Variants in ZWILCH observed in about 807,000 individuals in gnomAD.
ZWILCH encodes the protein protein zwilch homolog.
Under a neutral mutation model 79.9 loss-of-function variants are expected in ZWILCH, and 74 were observed. The ratio of observed to expected loss-of-function variants is 0.93; its 90% CI spans 0.77 to 1.12. The LOEUF (loss-of-function observed/expected upper bound fraction) is 1.12, where lower values mean the gene tolerates loss of function less well. Among genes scored for constraint, ZWILCH ranks in the 50% most tolerant of loss-of-function variants. ZWILCH has a pLI of 0.00. For synonymous variants in ZWILCH, 241 were observed against 228.2 expected (o/e 1.06, Z -0.51); for missense variants, 694 against 687.5 (o/e 1.01, Z -0.11).
chr15:66,527,749 T>G (rs1379131892), intron 9 of ZWILCH, 108 bp from the exon 10 acceptor site: 2 of 923,804 alleles, frequency 2.2e-6, no homozygotes, highest in Non-Finnish European at 3.3e-6. Context: ...GCTAAAATCC[T>G]TAGTTAGACT....
At chr15:66,520,499 T>C (rs1894451718) in intron 5 of ZWILCH, 91 bp from the exon 6 acceptor site, 1 of 693,906 alleles carries the variant, frequency 1.4e-6, no homozygotes, top group African/African-American at 1.8e-5. Context: ...TGAGTTGTGG[T>C]ACATTGAGAA....
At chr15:66,522,331 C>CTTTTTT (rs1292788536) in intron 7 of ZWILCH, among the ~76,000 whole-genome samples, 4 of 135,858 alleles carry the variant, frequency 2.9e-5, no homozygotes, top group Non-Finnish European at 4.8e-5. Flanking sequence ...AGATTTCTTT[C>CTTTTTT]TTTTTTTTTT....
intron 6 of ZWILCH, 38 bp downstream of exon 6, chr15:66,520,698 ATTG>A: frequency 3.7e-6 from 5 of 1,362,910 alleles, no homozygotes; most frequent in African/African-American, 1.5e-5. Context: ...TTTTCTTCAA[ATTG>A]TTGTCAACCT....
intron 8 of ZWILCH, 64 bp from the exon 9 acceptor site, chr15:66,527,226 C>T (rs1462740723): frequency 1.8e-6 from 2 of 1,100,808 alleles, no homozygotes; most frequent in African/African-American, 1.5e-5. Flanking sequence ...TTATTACATA[C>T]ATCCTTATTG....
rs1213576979 is a variant in ZWILCH, at chr15:66,532,423, C to G, written c.1312+20C>G. On this transcript the variant is annotated intron_variant, in intron 13 of 18. Transcript: ENST00000307897. ...TCATAGGTAAGTATCTTTCCTGGCTCAAAAAATTAAAAAACACATCACAGT... is the reference window on the plus strand; with the variant it reads ...TCATAGGTAAGTATCTTTCCTGGCTGAAAAAATTAAAAAACACATCACAGT... 6.3e-7 allele frequency: 1 copy of G among 1,576,510 alleles called. No individual in the cohort carries two copies. Among genetic ancestry groups the G allele is most frequent in the Admixed American group, 1.9e-5 (1 of 51,408 alleles).
intron 17 of ZWILCH, among the ~76,000 whole-genome samples, 184 bp downstream of exon 17, chr15:66,540,394 A>C (rs563207102): frequency 1.3e-5 from 2 of 152,116 alleles, no homozygotes; most frequent in South Asian, 4.2e-4. Flanking sequence ...TCTACTAAAA[A>C]TACAAAAAAT....
chr15:66,539,944 C>T (rs1895141088), intron 16 of ZWILCH, among the ~76,000 whole-genome samples, 154 bp from the exon 17 acceptor site: 1 of 151,948 alleles, frequency 6.6e-6, no homozygotes, highest in Non-Finnish European at 1.5e-5. Context: ...TTCTTGCTCT[C>T]TTGACTATAC....
intron 7 of ZWILCH, 176 bp from the exon 8 acceptor site, chr15:66,523,501 C>T: frequency 3.8e-6 from 2 of 529,206 alleles, no homozygotes; most frequent in South Asian, 3.6e-5. Context: ...GTCAAGATGG[C>T]AAAATCTCTG....
rs769937041 is a variant in ZWILCH, at chr15:66,527,270, G to T, written c.820-20G>T. On this transcript the variant is annotated intron_variant, in intron 8 of 18. Coordinates refer to ENST00000307897, the MANE Select transcript of ZWILCH (RefSeq NM_017975.5). ...GTGTTTTCTGCTAACAAGTTTTTGG[G>T]GTTTTTAAATCTCCTGTAGGTTTTG... The T allele has an allele frequency of 6.3e-7, 1 of 1,598,380 alleles. No homozygotes were observed. Among genetic ancestry groups the T allele is most frequent in the Non-Finnish European group, 8.6e-7 (1 of 1,167,494 alleles).
intron 17 of ZWILCH, among the ~76,000 whole-genome samples, chr15:66,541,330 C>A (rs1895187858): frequency 1.3e-5 from 2 of 151,966 alleles, no homozygotes; most frequent in African/African-American, 2.4e-5. Flanking sequence ...ACAAAACTAT[C>A]ATTATTTTTA....
intron 16 of ZWILCH, among the ~76,000 whole-genome samples, chr15:66,537,964 A>G (rs966901890): frequency 1.3e-5 from 2 of 152,134 alleles, no homozygotes; most frequent in Non-Finnish European, 2.9e-5. Context: ...GTATAGCCAG[A>G]AAGGAAATGA....
rs553489099 is a variant in ZWILCH, at chr15:66,521,734, T to C, written c.747+529T>C. Among the ~76,000 whole-genome samples, 4 of 152,050 alleles carry C rather than the reference T, an allele frequency of 2.6e-5. No individual in the cohort carries two copies. The South Asian group carries it at 8.3e-4, about 32-fold the overall frequency. ...GTCTCAAACCCCTGGGCTCAAGTGA[T>C]CCTCCCACCTCCACCTCCCAAAGTG... is the stretch of plus-strand genomic sequence containing the variant. On this transcript the variant is annotated intron_variant, in intron 7 of 18. Transcript: ENST00000307897.
In ZWILCH at chr15:66,523,668, A is replaced by C; in HGVS notation, c.748-9A>C. 6.2e-7 allele frequency: 1 copy of C among 1,605,940 alleles called. No homozygotes were observed. The highest frequency in any genetic ancestry group is 1.7e-4 in the Middle Eastern group (1 of 6,030). ...ACTAGAAAACTGACAGACTTTGGAA[A>C]CTTTTTAGAATATTAAAGTGGAATC... On this transcript the variant is annotated splice_polypyrimidine_tract_variant and intron_variant, in intron 7 of 18. Transcript: ENST00000307897.
chr15:66,529,172 A>G (rs1894782458), intron 11 of ZWILCH, among the ~76,000 whole-genome samples: 2 of 152,152 alleles, frequency 1.3e-5, no homozygotes, highest in Non-Finnish European at 1.5e-5. Context: ...TGCCTTTTTA[A>G]ATATAAGACT....
intron 2 of ZWILCH, among the ~76,000 whole-genome samples, chr15:66,509,900 G>A (rs1056124260): frequency 7.8e-6 from 1 of 128,604 alleles, no homozygotes; most frequent in Non-Finnish European, 1.7e-5. Flanking sequence ...AAGATGGCTG[G>A]GCACGATGGC....
rs149217755 is a variant in ZWILCH at position 66,546,608 on chromosome 15, C to T, written c.1705C>T (p.Leu569=). The T allele has an allele frequency of 6.2e-7, 1 of 1,607,518 alleles. No homozygotes were observed. The highest frequency in any genetic ancestry group is 8.5e-7 in the Non-Finnish European group (1 of 1,177,324). Residue 569 remains leucine (L), a synonymous_variant, in exon 18 of 19, where the codon CTA becomes TTA. Transcript: ENST00000307897. ...GATTACAGATTTTTCGGAATTAACA[C>T]TAAACGGTAGCCTGGAAGAAAGGAT... is the stretch of plus-strand genomic sequence containing the variant. The part of the protein sequence containing the change: ...FHKPDFSELT[L]NGSLEERIFF...
At chr15:66,546,500 T>C (rs978472103) in intron 17 of ZWILCH, 91 bp from the exon 18 acceptor site, 12 of 696,312 alleles carry the variant, frequency 1.7e-5, no homozygotes, top group Non-Finnish European at 2.8e-5. Context: ...GACCACCTCT[T>C]AGTTATTGTA....
chr15:66,540,205 A>G lies in ZWILCH; in HGVS notation c.1682A>G (p.Lys561Arg), dbSNP rs755794911. The G allele has an allele frequency of 2.7e-5, 44 of 1,604,976 alleles. No individual in the cohort carries two copies. The South Asian group carries it at 4.4e-4, about 16-fold the overall frequency. ...CCCATAGACCATCTGAATTTTCACAAACCTGGTAAAGATGGTTTATAATCT... is the reference window on the plus strand; with the variant it reads ...CCCATAGACCATCTGAATTTTCACAGACCTGGTAAAGATGGTTTATAATCT... ...SSPIDHLNFH[K>R]PDFSELTLNG... The change falls in exon 17 of 19, where the codon AAA (lysine) becomes AGA (arginine). Residue 561 changes from lysine to arginine, a missense_variant. Lys to Arg is a conservative substitution (Grantham distance 26). Coordinates refer to ENST00000307897, the MANE Select transcript of ZWILCH (RefSeq NM_017975.5).
intron 17 of ZWILCH, among the ~76,000 whole-genome samples, chr15:66,540,996 T>A (rs1455715634): frequency 6.6e-6 from 1 of 150,622 alleles, no homozygotes; most frequent in Non-Finnish European, 1.5e-5. Flanking sequence ...AAAAGAAAAC[T>A]GCTGGGCCCG....
Sources: allele counts gnomAD v4.1 joint callset (sites outside exome capture counted in the v4.1 genomes callset), GRCh38; gene constraint gnomAD v4.1.1; transcripts MANE v1.5; gene names NCBI Gene and HGNC (gene_info 2026-07-23, HGNC 2026-07-21).